ZNF274: variants seen among roughly 807,000 people sequenced by gnomAD.
The protein encoded by ZNF274 is neurotrophin receptor-interacting factor homolog.
Under a neutral mutation model 42.5 loss-of-function variants are expected in ZNF274, and 23 were observed. The ratio of observed to expected loss-of-function variants is 0.54; its 90% confidence interval spans 0.39 to 0.77. The LOEUF (loss-of-function observed/expected upper bound fraction) is 0.77, where lower values mean the gene tolerates loss of function less well. Among genes scored for constraint, ZNF274 ranks in the 30% least tolerant of loss-of-function variants. ZNF274 has a pLI of 0.00. For synonymous variants in ZNF274, 292 were observed against 305.4 expected (o/e 0.96, Z 0.46); for missense variants, 679 against 806.5 (o/e 0.84, Z 1.91).
chr19:58,184,918 C>T (rs1427729120), intron 2 of ZNF274: 1 of 150,326 alleles, frequency 6.7e-6, no homozygotes, highest in Non-Finnish European at 1.5e-5. Flanking sequence ...GAGATTGAGA[C>T]CATCCTGGCT....
intron 4 of ZNF274, among the ~76,000 whole-genome samples, chr19:58,191,178 G>A (rs182182731): frequency 2.4e-3 from 364 of 152,196 alleles, no homozygotes; most frequent in Non-Finnish European, 3.3e-3. Context: ...TCACTCTATC[G>A]CCAGGCTGGA....
In ZNF274 at chr19:58,185,851, T is replaced by A; in HGVS notation, c.160+13T>A. 1 of 1,361,144 alleles carries A rather than the reference T, an allele frequency of 7.3e-7. No homozygotes were observed. Among genetic ancestry groups the A allele is most frequent in the Non-Finnish European group, 9.6e-7 (1 of 1,045,920 alleles). The allele number at this position is 1,361,144 out of a possible 1,614,324, so 84.3% of individuals were successfully genotyped here. ...CTGGTCTCAGTGGGTAAGGCTGGCC[T>A]CCAGGTCAAGAAGGATCTGTGCTTT... is the stretch of plus-strand genomic sequence containing the variant. On this transcript the variant is annotated intron_variant, in intron 3 of 7. Transcript: ENST00000617501.
At chr19:58,189,735 G>A (rs2075756317) in intron 4 of ZNF274, among the ~76,000 whole-genome samples, 1 of 152,126 alleles carries the variant, frequency 6.6e-6, no homozygotes. Context: ...CATTTAATTA[G>A]GTTTTCATTA....
intron 4 of ZNF274, among the ~76,000 whole-genome samples, chr19:58,193,059 T>C (rs1308426337): frequency 2.6e-5 from 4 of 152,044 alleles, no homozygotes; most frequent in Admixed American, 2.6e-4. Flanking sequence ...TTCCCTCAAA[T>C]ATTTTCAATC....
At chr19:58,183,678 G>A in intron 1 of ZNF274, 1 of 375,572 alleles carries the variant, frequency 2.7e-6, no homozygotes, top group Non-Finnish European at 4.9e-6. Context: ...GGAAGCGTGG[G>A]GTCTGGGCCA....
chr19:58,185,192 G>A (rs984707819), intron 2 of ZNF274, among the ~76,000 whole-genome samples: 18 of 151,434 alleles, frequency 1.2e-4, no homozygotes, highest in Non-Finnish European at 2.2e-4. Flanking sequence ...TTGGGAGGCC[G>A]AGGCAGGCAG....
chr19:58,189,189 A>G (rs1435727340), intron 4 of ZNF274, among the ~76,000 whole-genome samples: 2 of 152,014 alleles, frequency 1.3e-5, no homozygotes, highest in Non-Finnish European at 2.9e-5. Context: ...CATATCCCAG[A>G]CCATATATTG....
chr19:58,204,605 C>A (rs1366579007), intron 4 of ZNF274, among the ~76,000 whole-genome samples: 3 of 152,116 alleles, frequency 2.0e-5, no homozygotes, highest in African/African-American at 7.2e-5. Flanking sequence ...AACGTAGCTG[C>A]AGCTATTGCA....
intron 4 of ZNF274, among the ~76,000 whole-genome samples, chr19:58,206,385 A>G (rs2146240817): frequency 6.6e-6 from 1 of 152,350 alleles, no homozygotes; most frequent in Non-Finnish European, 1.5e-5. Flanking sequence ...GAACATTCTT[A>G]TAGAAGTTTT....
intron 6 of ZNF274, chr19:58,210,579 T>TG (rs1346316017): frequency 6.5e-6 from 1 of 152,892 alleles, no homozygotes; most frequent in Admixed American, 6.5e-5. Context: ...TGGCTTATAC[T>TG]GGCTCAAGCG....
rs1396170164 is a variant in ZNF274 at position 58,206,952 on chromosome 19, G to A, written c.489G>A (p.Arg163=). ...GTGACCCTGAGGCCGCGCGCCAGAG[G>A]TTCCGGCAGTTCCGTTATAAGGACA... ...HPGDPEAARQ[R]FRQFRYKDMT... Residue 163 remains arginine, a synonymous_variant, in exon 5 of 8, where the codon AGG becomes AGA. Coordinates refer to ENST00000617501, the MANE Select transcript of ZNF274 (RefSeq NM_133502.3). 4 of 1,610,222 alleles carry A rather than the reference G, an allele frequency of 2.5e-6. No homozygotes were observed. In the Admixed American group the frequency reaches 6.8e-5, roughly 27 times the overall value.
intron 4 of ZNF274, among the ~76,000 whole-genome samples, chr19:58,203,292 G>A (rs1035020622): frequency 1.3e-5 from 2 of 152,080 alleles, no homozygotes; most frequent in African/African-American, 4.8e-5. Flanking sequence ...AGCCTTAAGA[G>A]CTGTAATTGG....
At chr19:58,193,950 C>A (rs894689414) in intron 4 of ZNF274, among the ~76,000 whole-genome samples, 2 of 151,780 alleles carry the variant, frequency 1.3e-5, no homozygotes, top group African/African-American at 4.8e-5. Context: ...ATATCTATAT[C>A]TATATATCTA....
At chr19:58,189,454 A>G (rs1014966268) in intron 4 of ZNF274, among the ~76,000 whole-genome samples, 4 of 152,018 alleles carry the variant, frequency 2.6e-5, no homozygotes, top group Non-Finnish European at 5.9e-5. Flanking sequence ...CGTTTTATAT[A>G]TGGGTGGGGT....
At chr19:58,190,151 C>CT (rs527745785) in intron 4 of ZNF274, among the ~76,000 whole-genome samples, 2,368 of 130,804 alleles carry the variant, frequency 0.018, 32 homozygotes, top group African/African-American at 0.027. Context: ...TTATCTCTCT[C>CT]TTTTTTTTTT....
At chr19:58,196,683 C>G (rs533338761) in intron 4 of ZNF274, among the ~76,000 whole-genome samples, 1 of 152,288 alleles carries the variant, frequency 6.6e-6, no homozygotes, top group East Asian at 1.9e-4. Context: ...AGATTCCATC[C>G]TTTGTATAGC....
At position 58,211,738 on chromosome 19, in the gene ZNF274, C is replaced by T; in HGVS notation, c.979+52C>T. ...CCTCAGGGCTGGTAGGCCACAGGAG[C>T]CCCAAGTCAGGGGTGTTCACCTTCT... is the stretch of plus-strand genomic sequence containing the variant. On this transcript the variant is annotated intron_variant, in intron 7 of 7. Coordinates refer to ENST00000617501, the MANE Select transcript of ZNF274 (RefSeq NM_133502.3). This position sits in a 1 kb window ranked among gnomAD's most constrained non-coding sequence, Gnocchi z 4.8. 1 of 1,571,042 alleles carries T rather than the reference C, an allele frequency of 6.4e-7. No homozygotes were observed. Among genetic ancestry groups the T allele is most frequent in the Non-Finnish European group, 8.7e-7 (1 of 1,155,882 alleles).
chr19:58,186,327 A>G (rs978485497), intron 3 of ZNF274, among the ~76,000 whole-genome samples: 1 of 151,922 alleles, frequency 6.6e-6, no homozygotes, highest in Non-Finnish European at 1.5e-5. Flanking sequence ...TGAGGCAGGC[A>G]GATCAGTTGA....
intron 4 of ZNF274, among the ~76,000 whole-genome samples, chr19:58,192,661 C>T (rs2075791557): frequency 6.6e-6 from 1 of 152,162 alleles, no homozygotes; most frequent in Non-Finnish European, 1.5e-5. Flanking sequence ...GATGTAAATG[C>T]TGTGTAAGTA....
Sources: allele counts gnomAD v4.1 joint callset (sites outside exome capture counted in the v4.1 genomes callset), GRCh38; gene constraint gnomAD v4.1.1; non-coding constraint Gnocchi (gnomAD v3.1); transcripts MANE v1.5; gene names NCBI Gene and HGNC (gene_info 2026-07-23, HGNC 2026-07-21).